The following CLSPN variants were observed in gnomAD, a reference collection of about 807,000 sequenced individuals.
CLSPN encodes claspin.
A neutral mutation model predicts 156.3 loss-of-function variants in CLSPN; 85 were observed. The ratio of observed to expected loss-of-function variants is 0.54; its 90% confidence interval spans 0.46 to 0.65. The LOEUF (loss-of-function observed/expected upper bound fraction) is 0.65, where lower values mean the gene tolerates loss of function less well. Ranked by LOEUF, CLSPN falls within the 30% of genes least tolerant of loss-of-function variation. CLSPN has a pLI of 0.00. For synonymous variants in CLSPN, 534 were observed against 542.4 expected, an observed-to-expected ratio of 0.98 and a Z score of 0.22; for missense variants, 1,407 against 1,554.9, an observed-to-expected ratio of 0.90 and a Z score of 1.60.
At chr1:35,724,126 T>A (rs964411727) in intron 24 of CLSPN, among the ~76,000 whole-genome samples, 1 of 152,074 alleles carries the variant, frequency 6.6e-6, no homozygotes, top group African/African-American at 2.4e-5. Context: ...TTTTAAGAGA[T>A]GGGAGTCTTG....
At chr1:35,747,020 T>C (rs1395468483) in intron 14 of CLSPN, 28 bp from the exon 15 acceptor site, 4 of 1,581,000 alleles carry the variant, frequency 2.5e-6, no homozygotes, top group Non-Finnish European at 3.5e-6. Context: ...CAACGAATAG[T>C]GTAAAAAATT....
Position 35,737,379 on chromosome 1 carries a change from C to G in CLSPN, c.3707G>C (p.Arg1236Thr). Residue 1236 changes from arginine (R) to threonine (T), a missense_variant, in exon 23 of 25, where the codon AGA becomes ACA. Transcript: ENST00000318121. Reference protein sequence around the residue: ...MVIQESKSLLRNPFEAIRPGS... With the variant: ...MVIQESKSLLTNPFEAIRPGS... ...TGGTCTGATGGCTTCAAAAGGATTTCTGAGCAAAGACTTTGATTCCTGAAT... is the reference window on the plus strand; with the variant it reads ...TGGTCTGATGGCTTCAAAAGGATTTGTGAGCAAAGACTTTGATTCCTGAAT... 1 of 1,613,990 alleles carries G rather than the reference C, an allele frequency of 6.2e-7. No homozygotes were observed. The highest frequency in any genetic ancestry group is 1.6e-4 in the Middle Eastern group (1 of 6,062).
In CLSPN at chr1:35,765,308, C is replaced by G; in HGVS notation, c.43G>C (p.Asp15His). 2.5e-6 allele frequency: 4 copies of G among 1,613,240 alleles called. No homozygotes were observed. Among genetic ancestry groups the G allele is most frequent in the Non-Finnish European group, 3.4e-6 (4 of 1,179,402 alleles). The change falls in exon 2 of 25, where the codon GAC becomes CAC. Residue 15 changes from aspartate (D) to histidine (H), a missense_variant. By Grantham distance (81) the Asp-to-His change is moderately conservative. Transcript: ENST00000318121. ...VGSEVHLEIN[D>H]PNVISQEEAD... ...TCCTCTTGTGAAATGACGTTTGGGT[C>G]ATTGATTTCTAGGTGAACCTAGAAA...
Position 35,746,676 on chromosome 1 carries a change from GCATGAGC to G in CLSPN, c.2854+83_2854+89del. On this transcript the variant is annotated intron_variant, in intron 15 of 24. Coordinates refer to ENST00000318121, the MANE Select transcript of CLSPN (RefSeq NM_022111.4). This position sits in a 1 kb window ranked among gnomAD's most constrained non-coding sequence, Gnocchi z 4.2. ...GCCTCCCAAAGTTCTAGGATTACAG[GCATGAGC>G]CACCCCACCCGCCCAGGGAATTCTT... 2.4e-6 allele frequency: 2 copies of G among 851,040 alleles called. No individual in the cohort carries two copies. The highest frequency in any genetic ancestry group is 3.9e-6 in the Non-Finnish European group (2 of 515,836). The allele number at this position is 851,040 out of a possible 1,614,324, so 52.7% of individuals were successfully genotyped here.
At chr1:35,756,177 T>C (rs1471519811) in intron 8 of CLSPN, among the ~76,000 whole-genome samples, 1 of 152,172 alleles carries the variant, frequency 6.6e-6, no homozygotes, top group Non-Finnish European at 1.5e-5. Context: ...ATGTTTACAT[T>C]GCAAACAAAA....
chr1:35,766,349 TAAAG>T (rs1015574556), intron 1 of CLSPN, among the ~76,000 whole-genome samples: 2 of 151,928 alleles, frequency 1.3e-5, no homozygotes, highest in Non-Finnish European at 2.9e-5. Context: ...GAGAAACCTA[TAAAG>T]AAAGTTAACA....
chr1:35,764,412 T>G lies in CLSPN; in HGVS notation c.436A>C (p.Thr146Pro), dbSNP rs1395569951. Residue 146 changes from threonine to proline, a missense_variant, in exon 3 of 25, where the codon ACT (threonine) becomes CCT (proline). Thr to Pro is a conservative substitution (Grantham distance 38, BLOSUM62 -1). This residue lies in a region of CLSPN where 1,096 missense variants were observed against 1,193.0 expected (regional missense o/e 0.92). Coordinates refer to ENST00000318121, the MANE Select transcript of CLSPN (RefSeq NM_022111.4). Reference sequence around the variant, plus strand: ...TGCTTTTTGGAACTCTTTCTGTCAGTGGTAAAGTCTGTAGAGTTTCCAGAC... The same window carrying G: ...TGCTTTTTGGAACTCTTTCTGTCAGGGGTAAAGTCTGTAGAGTTTCCAGAC... The part of the protein sequence containing the change: ...LQSGNSTDFT[T>P]DRKSSKKHIH... 1 of 1,613,960 alleles carries G rather than the reference T, an allele frequency of 6.2e-7. No homozygotes were observed. Among genetic ancestry groups the G allele is most frequent in the African/African-American group, 1.3e-5 (1 of 74,928 alleles).
In CLSPN at chr1:35,748,413, C is replaced by G. The variant is rs757844279; in HGVS notation, c.2464G>C (p.Ala822Pro). The G allele has an allele frequency of 2.5e-6, 4 of 1,613,818 alleles. No individual in the cohort carries two copies. The highest frequency in any genetic ancestry group is 3.4e-6 in the Non-Finnish European group (4 of 1,179,860). ...AACCATTACCATCTTACCTTAGAAG[C>G]TGAGCTGACCAAACTGGCTCGAAAT... The part of the protein sequence containing the change: ...GLFRASLVSS[A>P]SKSSGKLSEP... The change falls in exon 13 of 25, where the codon GCT becomes CCT. Residue 822 changes from alanine (A) to proline (P), a missense_variant. Physicochemically the swap from Ala to Pro is conservative, Grantham distance 27. This residue lies in a region of CLSPN where 1,096 missense variants were observed against 1,193.0 expected (regional missense o/e 0.92). Transcript: ENST00000318121.
rs1231970061 is a variant in CLSPN at position 35,734,840 on chromosome 1, T to G, written c.*1656A>C. On this transcript the variant is annotated 3_prime_UTR_variant, in exon 25 of 25. Transcript: ENST00000318121. Reference sequence around the variant, plus strand: ...ACTGCCCAAGTACAGGTCCTGACACTGAAACCACAGTATTCACATGGAATG... The same window carrying G: ...ACTGCCCAAGTACAGGTCCTGACACGGAAACCACAGTATTCACATGGAATG... The G allele has an allele frequency of 1.0e-6, 1 of 985,348 alleles. No individual in the cohort carries two copies. Among genetic ancestry groups the G allele is most frequent in the Non-Finnish European group, 1.2e-6 (1 of 829,948 alleles). 61.0% of individuals were successfully genotyped at this position (985,348 alleles called of 1,614,324 possible).
chr1:35,762,914 A>G (rs1642533729), intron 4 of CLSPN, among the ~76,000 whole-genome samples: 1 of 152,090 alleles, frequency 6.6e-6, no homozygotes, highest in Non-Finnish European at 1.5e-5. Flanking sequence ...TACACCATCA[A>G]ATATCTTAGT....
In CLSPN at chr1:35,732,640, C is replaced by T; in HGVS notation, c.*3856G>A. 2.0e-6 allele frequency: 2 copies of T among 985,374 alleles called. No individual in the cohort carries two copies. The highest frequency in any genetic ancestry group is 1.7e-5 in the African/African-American group (1 of 57,328). 61.0% of individuals were successfully genotyped at this position (985,374 alleles called of 1,614,324 possible). A position where few individuals can be genotyped will look rare whatever the true frequency, so the allele number is the denominator to read the frequency against. On this transcript the variant is annotated 3_prime_UTR_variant, in exon 25 of 25. Transcript: ENST00000318121. Reference sequence around the variant, plus strand: ...ACAAAAACACTGACACTGAGCCTACCCTATCTCCCACACTCATGGGCTCTC... The same window carrying T: ...ACAAAAACACTGACACTGAGCCTACTCTATCTCCCACACTCATGGGCTCTC...
intron 24 of CLSPN, among the ~76,000 whole-genome samples, chr1:35,726,521 G>A (rs1557492542): frequency 6.6e-6 from 1 of 152,256 alleles, no homozygotes; most frequent in East Asian, 1.9e-4. Flanking sequence ...TGTGACAAAA[G>A]GAAATTTGCT....
At chr1:35,724,159 G>A (rs1323657421) in intron 24 of CLSPN, among the ~76,000 whole-genome samples, 6 of 152,002 alleles carry the variant, frequency 3.9e-5, no homozygotes, top group African/African-American at 1.2e-4. Flanking sequence ...GGCTGGTCTC[G>A]AACTCCCAAC....
chr1:35,740,591 G>GT (rs1323501491), intron 18 of CLSPN, among the ~76,000 whole-genome samples: 2 of 151,714 alleles, frequency 1.3e-5, no homozygotes, highest in African/African-American at 2.4e-5. Flanking sequence ...GCTAATTTTT[G>GT]TTTTTTTAGT....
At chr1:35,730,251 G>C (rs1641282826), downstream of CLSPN, among the ~76,000 whole-genome samples, 1 of 152,046 alleles carries the variant, frequency 6.6e-6, no homozygotes, top group Admixed American at 6.6e-5. Flanking sequence ...CCAAAAGAAT[G>C]GGAAACCTAA....
In CLSPN at chr1:35,733,320, CTTTTTTTTTTTTT is replaced by C; in HGVS notation, c.*3163_*3175del. The C allele has an allele frequency of 7.4e-6, 1 of 135,674 alleles. No homozygotes were observed. Among genetic ancestry groups the C allele is most frequent in the Non-Finnish European group, 1.4e-5 (1 of 69,844 alleles). The allele number at this position is 135,674 out of a possible 1,614,324, so 8.4% of individuals were successfully genotyped here. Reference sequence around the variant, plus strand: ...CAGGCACTAATTTTCTTTTTTTTTTCTTTTTTTTTTTTTTTTTAGAGTTGGGATTTCACCATGT... The same window carrying C: ...CAGGCACTAATTTTCTTTTTTTTTTCTTTTAGAGTTGGGATTTCACCATGT... On this transcript the variant is annotated 3_prime_UTR_variant, in exon 25 of 25. Coordinates refer to ENST00000318121, the MANE Select transcript of CLSPN (RefSeq NM_022111.4).
At chr1:35,755,636 G>C (rs1456021716) in intron 8 of CLSPN, among the ~76,000 whole-genome samples, 2 of 151,856 alleles carry the variant, frequency 1.3e-5, no homozygotes, top group Non-Finnish European at 2.9e-5. Context: ...TGAACTCCTG[G>C]ACTGAAATGA....
chr1:35,763,309 C>A lies in CLSPN; in HGVS notation c.595G>T (p.Glu199Ter). The change falls in exon 4 of 25, where the codon GAA becomes TAA. Residue 199 changes from glutamate (E) to a stop codon, truncating the protein, a stop_gained. Coordinates refer to ENST00000318121, the MANE Select transcript of CLSPN (RefSeq NM_022111.4). LOFTEE classifies it high-confidence loss of function. ...CAGCCACTGTCATTAAATGGCTGTTCTACATCATCTTCCTAAGTAATACAT... is the reference window on the plus strand; with the variant it reads ...CAGCCACTGTCATTAAATGGCTGTTATACATCATCTTCCTAAGTAATACAT... ...KETKNQEDDV[E>*]QPFNDSGCLL... 1 of 1,586,692 alleles carries A rather than the reference C, an allele frequency of 6.3e-7. No individual in the cohort carries two copies. The highest frequency in any genetic ancestry group is 1.2e-5 in the South Asian group (1 of 86,038).
chr1:35,745,956 CTT>C (rs955452171), intron 15 of CLSPN, among the ~76,000 whole-genome samples: 3 of 149,526 alleles, frequency 2.0e-5, no homozygotes, highest in African/African-American at 4.9e-5. Flanking sequence ...TTTTTCAAGA[CTT>C]TTTTTTTGAG....
Sources: gnomAD v4.1 joint callset for allele counts (sites outside exome capture counted in the v4.1 genomes callset) on GRCh38, gnomAD v4.1.1 for gene constraint, gnomAD v4.1.1 regional missense constraint, Gnocchi (gnomAD v3.1) non-coding constraint, MANE v1.5 for transcripts, NCBI Gene and HGNC (gene_info 2026-07-23, HGNC 2026-07-21) for gene names.